The following ALDH18A1 variants were observed in gnomAD, a reference collection of about 807,000 sequenced individuals.
ALDH18A1 encodes the protein aldehyde dehydrogenase 18 family member A1.
ALDH18A1 carries 44 observed loss-of-function variants against 88.8 expected under a neutral mutation model. The ratio of observed to expected loss-of-function variants is 0.50; its 90% CI spans 0.39 to 0.64. ALDH18A1 has a LOEUF of 0.64. Among genes scored for constraint, ALDH18A1 ranks in the 30% least tolerant of loss-of-function variants. ALDH18A1 has a pLI of 0.00. For missense variants in ALDH18A1, 782 were observed against 1,009.5 expected (o/e 0.77, Z 3.05); for synonymous variants, 331 against 372.1 (o/e 0.89, Z 1.27).
chr10:95,613,970 C>T lies in ALDH18A1; in HGVS notation c.1797G>A (p.Arg599=). ...DSEASVDKVT[R]LVRDSKCEYP... is the part of the protein sequence containing the mutation. ...AGAAGACCCCATCCAGCTCACCTAG[C>T]CTGGTGACCTTATCAACACTGGCCT... The change falls in exon 14 of 18, where the codon AGG becomes AGA. Residue 599 remains arginine (R), a synonymous_variant. Transcript: ENST00000371224. The T allele has an allele frequency of 6.2e-7, 1 of 1,614,216 alleles. No homozygotes were observed. The highest frequency in any genetic ancestry group is 8.5e-7 in the Non-Finnish European group (1 of 1,180,034).
intron 7 of ALDH18A1, among the ~76,000 whole-genome samples, chr10:95,630,943 G>T (rs1186976112): frequency 6.6e-6 from 1 of 152,180 alleles, no homozygotes; most frequent in Non-Finnish European, 1.5e-5. Context: ...GTCTGCCCCT[G>T]CCTCCACTAG....
Position 95,654,779 on chromosome 10 carries a change from C to T in ALDH18A1, c.-28-1374G>A, listed in dbSNP as rs186475883. Among the ~76,000 whole-genome samples the T allele has an allele frequency of 4.0e-5, 6 of 151,546 alleles. No individual in the cohort carries two copies. In the East Asian group the frequency reaches 9.7e-4, roughly 24 times the overall value. On this transcript the variant is annotated intron_variant, in intron 1 of 17. Coordinates refer to ENST00000371224, the MANE Select transcript of ALDH18A1 (RefSeq NM_002860.4). ...ATAACACTGAAGTATGATTTTAGCACGTGATCTAAGTTTGCTGCTTATATA... is the reference window on the plus strand; with the variant it reads ...ATAACACTGAAGTATGATTTTAGCATGTGATCTAAGTTTGCTGCTTATATA...
At chr10:95,655,035 A>G (rs2097915708) in intron 1 of ALDH18A1, among the ~76,000 whole-genome samples, 1 of 152,184 alleles carries the variant, frequency 6.6e-6, no homozygotes, top group African/African-American at 2.4e-5. Flanking sequence ...CAATATGGCA[A>G]AAACGATGAG....
chr10:95,632,733 G>C (rs534891526), intron 7 of ALDH18A1, among the ~76,000 whole-genome samples: 1 of 152,106 alleles, frequency 6.6e-6, no homozygotes, highest in Admixed American at 6.5e-5. Context: ...TGTTATTTAA[G>C]GAAAACAACT....
At chr10:95,633,142 G>A (rs530185311) in intron 6 of ALDH18A1, 93 bp from the exon 7 acceptor site, 1 of 1,205,548 alleles carries the variant, frequency 8.3e-7, no homozygotes, top group South Asian at 1.3e-5. Flanking sequence ...GCAAAACCAA[G>A]CTAGGATCAG....
chr10:95,622,534 G>A (rs1017843186), intron 11 of ALDH18A1, among the ~76,000 whole-genome samples: 5 of 151,694 alleles, frequency 3.3e-5, no homozygotes, highest in Non-Finnish European at 7.4e-5. Flanking sequence ...AAGCTCATAC[G>A]CAGAATTTTC....
chr10:95,614,170 G>A lies in ALDH18A1; in HGVS notation c.1606-9C>T, dbSNP rs1268595166. Reference sequence around the variant, plus strand: ...TCTTCTCTGGTATTCACCTTTAGAAGGAAAGAAGAAAAAGATAAAGATGAC... The same window carrying A: ...TCTTCTCTGGTATTCACCTTTAGAAAGAAAGAAGAAAAAGATAAAGATGAC... On this transcript the variant is annotated splice_polypyrimidine_tract_variant and intron_variant, in intron 13 of 17. Transcript: ENST00000371224. 1 of 1,613,536 alleles carries A rather than the reference G, an allele frequency of 6.2e-7. No individual in the cohort carries two copies.
At chr10:95,642,908 G>T in intron 3 of ALDH18A1, 84 bp downstream of exon 3, 2 of 1,356,596 alleles carry the variant, frequency 1.5e-6, no homozygotes, top group Non-Finnish European at 2.1e-6. Flanking sequence ...ATTTTTTTAA[G>T]TTGATGAGCA....
chr10:95,611,570 C>A, intron 15 of ALDH18A1, 128 bp from the exon 16 acceptor site: 1 of 1,006,230 alleles, frequency 9.9e-7, no homozygotes, highest in Admixed American at 1.8e-5. Flanking sequence ...AACAACTGAA[C>A]TAGTCCTACT....
intron 2 of ALDH18A1, among the ~76,000 whole-genome samples, chr10:95,644,838 T>C (rs2097898441): frequency 6.6e-6 from 1 of 152,206 alleles, no homozygotes; most frequent in Admixed American, 6.5e-5. Flanking sequence ...AGGCTGGAGC[T>C]CATTCATTCA....
chr10:95,644,607 C>A (rs10882645), intron 2 of ALDH18A1, among the ~76,000 whole-genome samples: 53,401 of 152,058 alleles, frequency 0.35, 10,013 homozygotes, highest in East Asian at 0.7. Flanking sequence ...TACCCATTCG[C>A]CCTTTCTCAC....
rs117173574 is a variant in ALDH18A1 at position 95,610,675 on chromosome 10, T to C, written c.2111-383A>G. ...GTCAAAAGGGACTTACAACATGACC[T>C]AGCTGATAGGGTTGTAGAGAGGATG... On this transcript the variant is annotated intron_variant, in intron 16 of 17. Coordinates refer to ENST00000371224, the MANE Select transcript of ALDH18A1 (RefSeq NM_002860.4). Among the ~76,000 whole-genome samples, 39 of 152,326 alleles carry C rather than the reference T, an allele frequency of 2.6e-4. No individual in the cohort carries two copies. The East Asian group carries it at 7.1e-3, about 28-fold the overall frequency.
intron 15 of ALDH18A1, among the ~76,000 whole-genome samples, chr10:95,612,980 G>A (rs1158006283): frequency 6.6e-6 from 1 of 152,200 alleles, no homozygotes; most frequent in Non-Finnish European, 1.5e-5. Flanking sequence ...AAGGATGGAA[G>A]GGAAGAGACA....
intron 6 of ALDH18A1, 23 bp from the exon 7 acceptor site, chr10:95,633,072 A>C (rs375327685): frequency 1.3e-6 from 2 of 1,589,824 alleles, no homozygotes; most frequent in South Asian, 1.1e-5. Context: ...TTAAAAAGTC[A>C]TAAGTGAGTG....
intron 13 of ALDH18A1, among the ~76,000 whole-genome samples, chr10:95,615,749 G>A (rs2097843146): frequency 6.6e-6 from 1 of 152,160 alleles, no homozygotes; most frequent in African/African-American, 2.4e-5. Flanking sequence ...ATCCTGGAAT[G>A]TTGGAGCAAA....
At chr10:95,643,673 T>C (rs1014031112) in intron 2 of ALDH18A1, among the ~76,000 whole-genome samples, 3 of 152,184 alleles carry the variant, frequency 2.0e-5, no homozygotes, top group African/African-American at 4.8e-5. Flanking sequence ...TATAAACACA[T>C]AGATGGATAA....
In ALDH18A1 at chr10:95,606,261, A is replaced by G; in HGVS notation, c.*501T>C. On this transcript the variant is annotated 3_prime_UTR_variant, in exon 18 of 18. Coordinates refer to ENST00000371224, the MANE Select transcript of ALDH18A1 (RefSeq NM_002860.4). ...CAATCTTCCCAGTGGAAATGATTCC[A>G]TCGATTTTTGTGACTTTCTGATGAG... The G allele has an allele frequency of 1.0e-6, 1 of 998,378 alleles. No homozygotes were observed. The allele number at this position is 998,378 out of a possible 1,614,324, so 61.8% of individuals were successfully genotyped here.
At chr10:95,647,253 T>C (rs558760927) in intron 2 of ALDH18A1, among the ~76,000 whole-genome samples, 1 of 152,336 alleles carries the variant, frequency 6.6e-6, no homozygotes, top group East Asian at 1.9e-4. Context: ...TTGTGCTAAG[T>C]ATTCATACAC....
intron 1 of ALDH18A1, among the ~76,000 whole-genome samples, chr10:95,655,554 TA>T (rs11287393): frequency 0.76 from 116,023 of 151,868 alleles, 45,192 homozygotes; most frequent in Middle Eastern, 0.86. Flanking sequence ...GTCACTGAAA[TA>T]AGAGATTGAA....
Sources: gnomAD v4.1 joint callset for allele counts (sites outside exome capture counted in the v4.1 genomes callset) on GRCh38, gnomAD v4.1.1 for gene constraint, MANE v1.5 for transcripts, NCBI Gene and HGNC (gene_info 2026-07-23, HGNC 2026-07-21) for gene names.